The following PLCB3 variants were observed in gnomAD, a reference collection of about 807,000 sequenced individuals.
PLCB3 encodes phospholipase C beta 3.
A neutral mutation model predicts 152.1 loss-of-function variants in PLCB3; 54 were observed. That is an observed-to-expected ratio of 0.36 (90% CI 0.29 to 0.45). PLCB3 has a LOEUF of 0.45. PLCB3 is among the 20% of genes least tolerant of loss of function. The pLI is 1.00. For synonymous variants in PLCB3, 717 were observed against 698.7 expected, an observed-to-expected ratio of 1.03 and a Z score of -0.41; for missense variants, 1,248 against 1,687.5, an observed-to-expected ratio of 0.74 and a Z score of 4.56.
intron 13 of PLCB3, 66 bp downstream of exon 13, chr11:64,259,310 G>A (rs1471337895): frequency 1.2e-5 from 16 of 1,282,436 alleles, no homozygotes; most frequent in African/African-American, 1.0e-4. Flanking sequence ...TCCAGGCGCC[G>A]TGACACTTCA....
At chr11:64,259,301 C>G (rs1404654667) in intron 13 of PLCB3, 57 bp downstream of exon 13, 1 of 1,337,318 alleles carries the variant, frequency 7.5e-7, no homozygotes, top group East Asian at 2.5e-5. Flanking sequence ...GCCTCATGCT[C>G]CAGGCGCCGT....
chr11:64,263,304 C>G, intron 19 of PLCB3, 194 bp from the exon 20 acceptor site: 1 of 576,456 alleles, frequency 1.7e-6, no homozygotes, highest in Non-Finnish European at 3.1e-6. Flanking sequence ...GTCCTGATGG[C>G]TGCAGTCATC....
intron 19 of PLCB3, 190 bp from the exon 20 acceptor site, chr11:64,263,308 A>C: frequency 1.7e-6 from 1 of 572,770 alleles, no homozygotes. Flanking sequence ...TGATGGCTGC[A>C]GTCATCCATT....
At position 64,255,932 on chromosome 11, in the gene PLCB3, G is replaced by T. The variant is rs1305986535; in HGVS notation, c.698+111G>T. ...AAACTGGTGGGCCGGGTCCTGGAGCGCCAGGGGGCGGAGGGGTGCCCAGGG... is the reference window on the plus strand; with the variant it reads ...AAACTGGTGGGCCGGGTCCTGGAGCTCCAGGGGGCGGAGGGGTGCCCAGGG... On this transcript the variant is annotated intron_variant, in intron 8 of 30. Transcript: ENST00000279230. This position sits in a 1 kb window ranked among gnomAD's most constrained non-coding sequence, Gnocchi z 6.8. 1 of 840,200 alleles carries T rather than the reference G, an allele frequency of 1.2e-6. No individual in the cohort carries two copies. 52.0% of individuals were successfully genotyped at this position (840,200 alleles called of 1,614,324 possible).
At chr11:64,257,183 T>C (rs1377247053) in intron 10 of PLCB3, among the ~76,000 whole-genome samples, 3 of 152,114 alleles carry the variant, frequency 2.0e-5, no homozygotes, top group African/African-American at 7.2e-5. Context: ...TTTGTATTTT[T>C]AGTAGAGATG....
intron 14 of PLCB3, among the ~76,000 whole-genome samples, chr11:64,261,123 GGT>G (rs1353771293): frequency 3.9e-5 from 6 of 152,026 alleles, no homozygotes; most frequent in African/African-American, 1.4e-4. Context: ...TGGCCAACAT[GGT>G]GAAACCCCAT....
In PLCB3 at chr11:64,262,727, G is replaced by T. The variant is rs139487004; in HGVS notation, c.2274G>T (p.Thr758=). 1,109 of 1,613,878 alleles carry T rather than the reference G, an allele frequency of 6.9e-4. No homozygotes were observed. Among genetic ancestry groups the T allele is most frequent in the Non-Finnish European group, 8.2e-4 (967 of 1,180,008 alleles). The part of the protein sequence containing the change: ...EVDMFGLPVD[T]RRKYRTRTSQ... ...ACATGTTTGGCCTCCCTGTTGATACGCGGCGCAAGTACCGCACCCGGACCT... is the reference window on the plus strand; with the variant it reads ...ACATGTTTGGCCTCCCTGTTGATACTCGGCGCAAGTACCGCACCCGGACCT... Residue 758 remains threonine, a synonymous_variant, in exon 19 of 31, where the codon ACG becomes ACT. Coordinates refer to ENST00000279230, the MANE Select transcript of PLCB3 (RefSeq NM_000932.5).
chr11:64,256,901 C>A, intron 10 of PLCB3, 137 bp downstream of exon 10: 3 of 967,622 alleles, frequency 3.1e-6, no homozygotes, highest in East Asian at 2.6e-5. Context: ...AGGGAACAGG[C>A]AGCCAGCCCT....
At position 64,258,073 on chromosome 11, in the gene PLCB3, G is replaced by GA; in HGVS notation, c.1013-398dup. Among the ~76,000 whole-genome samples the GA allele has an allele frequency of 6.6e-6, 1 of 151,788 alleles. No homozygotes were observed. Among genetic ancestry groups the GA allele is most frequent in the African/African-American group, 2.4e-5 (1 of 41,368 alleles). ...GGAGGCTGAGGCAGGAGAATCGCTT[G>GA]AACCAGGGAGGCGGAGGTTGCAGTG... On this transcript the variant is annotated intron_variant, in intron 10 of 30. Transcript: ENST00000279230. The surrounding 1 kb of genome is among the most constrained non-coding windows in gnomAD (Gnocchi z 7.2).
chr11:64,253,734 C>A (rs1216345477), intron 1 of PLCB3, among the ~76,000 whole-genome samples: 1 of 152,194 alleles, frequency 6.6e-6, no homozygotes, highest in African/African-American at 2.4e-5. Context: ...ACTTCCCTGC[C>A]CCCTGCCAGC....
chr11:64,251,754 C>T lies in PLCB3; in HGVS notation c.99+6C>T. 3 of 1,422,958 alleles carry T rather than the reference C, an allele frequency of 2.1e-6. No homozygotes were observed. The highest frequency in any genetic ancestry group is 2.8e-6 in the Non-Finnish European group (3 of 1,073,320). 88.1% of individuals were successfully genotyped at this position (1,422,958 alleles called of 1,614,324 possible). A position where few individuals can be genotyped will look rare whatever the true frequency, so the allele number is the denominator to read the frequency against. ...AGTTCATCAAATGGGACGAGGTAAG[C>T]GCGCGGGCCCCTGCTCCGCCCAAAT... is the stretch of plus-strand genomic sequence containing the variant. On this transcript the variant is annotated splice_donor_region_variant and intron_variant, in intron 1 of 30. Coordinates refer to ENST00000279230, the MANE Select transcript of PLCB3 (RefSeq NM_000932.5).
Position 64,263,708 on chromosome 11 carries a change from C to T in PLCB3, c.2473C>T (p.Leu825=). ...AIRSGYHYVC[L]RNEANQPLCL... ...CCACCCAGGATACCACTACGTCTGCCTGCGGAACGAGGCCAACCAACCGCT... is the reference window on the plus strand; with the variant it reads ...CCACCCAGGATACCACTACGTCTGCTTGCGGAACGAGGCCAACCAACCGCT... The change falls in exon 21 of 31, where the codon CTG becomes TTG. Residue 825 remains leucine, a synonymous_variant. Transcript: ENST00000279230. 3 of 1,613,598 alleles carry T rather than the reference C, an allele frequency of 1.9e-6. No individual in the cohort carries two copies. The highest frequency in any genetic ancestry group is 1.7e-6 in the Non-Finnish European group (2 of 1,179,958).
In PLCB3 at chr11:64,255,921, G is replaced by A. The variant is rs1015176434; in HGVS notation, c.698+100G>A. ...GGGGAGAGGGGAAACTGGTGGGCCG[G>A]GTCCTGGAGCGCCAGGGGGCGGAGG... On this transcript the variant is annotated intron_variant, in intron 8 of 30. Transcript: ENST00000279230. This position sits in a 1 kb window ranked among gnomAD's most constrained non-coding sequence, Gnocchi z 6.8. 4 of 946,790 alleles carry A rather than the reference G, an allele frequency of 4.2e-6. No individual in the cohort carries two copies. The African/African-American group carries it at 6.4e-5, about 15-fold the overall frequency. 58.6% of individuals were successfully genotyped at this position (946,790 alleles called of 1,614,324 possible).
Position 64,266,578 on chromosome 11 carries a change from A to T in PLCB3, c.3414+26A>T, listed in dbSNP as rs1316563161. 33 of 1,609,558 alleles carry T rather than the reference A, an allele frequency of 2.1e-5. No homozygotes were observed. The highest frequency in any genetic ancestry group is 2.7e-5 in the Non-Finnish European group (32 of 1,176,586). On this transcript the variant is annotated intron_variant, in intron 29 of 30. Transcript: ENST00000279230. The surrounding 1 kb of genome is among the most constrained non-coding windows in gnomAD (Gnocchi z 4.9). ...GTGAGTCAGGCTCCCGGGCCACCCTACCCCACCTCCCTTCCTTCACTCATC... is the reference window on the plus strand; with the variant it reads ...GTGAGTCAGGCTCCCGGGCCACCCTTCCCCACCTCCCTTCCTTCACTCATC...
chr11:64,253,720 A>G (rs1394207854), intron 1 of PLCB3, among the ~76,000 whole-genome samples: 1 of 152,166 alleles, frequency 6.6e-6, no homozygotes. Context: ...TGGGGCTGGC[A>G]TGCACTTCCC....
At position 64,258,458 on chromosome 11, in the gene PLCB3, G is replaced by C; in HGVS notation, c.1013-15G>C. On this transcript the variant is annotated splice_polypyrimidine_tract_variant and intron_variant, in intron 10 of 30. Coordinates refer to ENST00000279230, the MANE Select transcript of PLCB3 (RefSeq NM_000932.5). This position sits in a 1 kb window ranked among gnomAD's most constrained non-coding sequence, Gnocchi z 7.2. Reference sequence around the variant, plus strand: ...GCTGGTGGGCGGCCTCGGTGACAGAGCCTCGCCGCCCCAGCGGGGCAGCTG... The same window carrying C: ...GCTGGTGGGCGGCCTCGGTGACAGACCCTCGCCGCCCCAGCGGGGCAGCTG... The C allele has an allele frequency of 6.2e-7, 1 of 1,609,334 alleles. No individual in the cohort carries two copies. The highest frequency in any genetic ancestry group is 8.5e-7 in the Non-Finnish European group (1 of 1,178,018).
intron 14 of PLCB3, 32 bp downstream of exon 14, chr11:64,260,266 G>A (rs955077715): frequency 2.0e-6 from 3 of 1,498,748 alleles, no homozygotes; most frequent in Non-Finnish European, 2.7e-6. Context: ...GGTCGGGGAG[G>A]TAGCATCTAT....
chr11:64,262,279 C>G, intron 17 of PLCB3, 128 bp from the exon 18 acceptor site: 5 of 1,328,692 alleles, frequency 3.8e-6, no homozygotes, highest in Non-Finnish European at 5.3e-6. Flanking sequence ...GATCCGGACC[C>G]TGATGCCATT....
intron 1 of PLCB3, among the ~76,000 whole-genome samples, chr11:64,252,717 T>TC (rs1357332859): frequency 6.6e-6 from 1 of 151,216 alleles, no homozygotes; most frequent in African/African-American, 2.4e-5. Context: ...GGGAGACCCC[T>TC]CCCCCCAGGC....
Sources: gnomAD v4.1 joint callset for allele counts (sites outside exome capture counted in the v4.1 genomes callset) on GRCh38, gnomAD v4.1.1 for gene constraint, Gnocchi (gnomAD v3.1) non-coding constraint, MANE v1.5 for transcripts, NCBI Gene and HGNC (gene_info 2026-07-23, HGNC 2026-07-21) for gene names.